The following STN1 variants were observed in gnomAD, a reference collection of about 807,000 sequenced individuals.
STN1 encodes STN1 subunit of CST complex.
Under a neutral mutation model 45.5 loss-of-function variants are expected in STN1, and 29 were observed. The ratio of observed to expected loss-of-function variants is 0.64; its 90% CI spans 0.47 to 0.87. The LOEUF (loss-of-function observed/expected upper bound fraction) is 0.87, where lower values mean the gene tolerates loss of function less well. STN1 is among the 40% of genes least tolerant of loss of function. The pLI, the probability that STN1 is intolerant of heterozygous loss-of-function variation, is 0.00. For synonymous variants in STN1, 148 were observed against 159.0 expected, an observed-to-expected ratio of 0.93 and a Z score of 0.52; for missense variants, 376 against 441.4, an observed-to-expected ratio of 0.85 and a Z score of 1.33.
chr10:103,913,254 A>T (rs1213047785), intron 2 of STN1, among the ~76,000 whole-genome samples: 1 of 152,230 alleles, frequency 6.6e-6, no homozygotes, highest in East Asian at 1.9e-4. Context: ...ATCCAATGGT[A>T]TCAACTTTGT....
At chr10:103,911,826 C>G (rs1449660175) in intron 2 of STN1, among the ~76,000 whole-genome samples, 2 of 152,178 alleles carry the variant, frequency 1.3e-5, no homozygotes, top group Non-Finnish European at 2.9e-5. Flanking sequence ...CCCCTTATAA[C>G]CCCCAGACTG....
At chr10:103,901,373 T>A (rs1333132687) in intron 4 of STN1, among the ~76,000 whole-genome samples, 1 of 152,164 alleles carries the variant, frequency 6.6e-6, no homozygotes, top group Non-Finnish European at 1.5e-5. Flanking sequence ...AGGTACAGTT[T>A]TATAAATTTT....
In STN1 at chr10:103,879,914, TCAGGG is replaced by T. The variant is rs1449362711; in HGVS notation, c.*2765_*2769del. Among the ~76,000 whole-genome samples the T allele has an allele frequency of 6.6e-6, 1 of 152,234 alleles. No individual in the cohort carries two copies. Among genetic ancestry groups the T allele is most frequent in the Admixed American group, 6.5e-5 (1 of 15,288 alleles). The stretch of plus-strand genomic sequence containing the variant: ...CTGGATGGAGCTACCTCTTCCTGAA[TCAGGG>T]ACATTTTCCAAAGGAGTGGCACAGG... On this transcript the variant is annotated 3_prime_UTR_variant, in exon 10 of 10. Transcript: ENST00000224950.
intron 2 of STN1, among the ~76,000 whole-genome samples, chr10:103,916,792 C>CA (rs397768922): frequency 0.74 from 105,799 of 143,770 alleles, 39,278 homozygotes; most frequent in Non-Finnish European, 0.81. Context: ...TATTCTAATA[C>CA]AAAAAAAAAA....
chr10:103,890,279 G>A (rs1228811533), intron 8 of STN1, among the ~76,000 whole-genome samples: 1 of 152,178 alleles, frequency 6.6e-6, no homozygotes, highest in Non-Finnish European at 1.5e-5. Context: ...AGCTCACAAG[G>A]TTATGACGAA....
intron 2 of STN1, among the ~76,000 whole-genome samples, chr10:103,911,473 T>TC (rs1368841329): frequency 1.3e-5 from 2 of 151,998 alleles, no homozygotes; most frequent in Non-Finnish European, 2.9e-5. Context: ...TCCAGCCTCT[T>TC]CCCCCCGCCC....
intron 9 of STN1, among the ~76,000 whole-genome samples, chr10:103,885,464 C>A (rs1427403735): frequency 6.6e-6 from 1 of 152,176 alleles, no homozygotes; most frequent in East Asian, 1.9e-4. Context: ...CAGAGGCCTT[C>A]AACTATTTAG....
At chr10:103,897,743 G>A in intron 6 of STN1, 24 bp from the exon 7 acceptor site, 2 of 1,609,632 alleles carry the variant, frequency 1.2e-6, no homozygotes, top group Non-Finnish European at 1.7e-6. Flanking sequence ...GTTTTAAAGA[G>A]CTCTGCAGAA....
intron 9 of STN1, among the ~76,000 whole-genome samples, chr10:103,884,810 C>T (rs1163033716): frequency 2.0e-5 from 3 of 152,178 alleles, no homozygotes; most frequent in African/African-American, 7.2e-5. Context: ...CTTTCCAACC[C>T]TAAGGTTCAG....
At chr10:103,911,109 G>C (rs1229420590) in intron 2 of STN1, among the ~76,000 whole-genome samples, 1 of 150,844 alleles carries the variant, frequency 6.6e-6, no homozygotes, top group African/African-American at 2.4e-5. Context: ...ACAGTAAGTA[G>C]GTTACAAAAC....
chr10:103,892,219 T>C lies in STN1; in HGVS notation c.787A>G (p.Ile263Val). The C allele has an allele frequency of 6.2e-7, 1 of 1,604,760 alleles. No individual in the cohort carries two copies. The highest frequency in any genetic ancestry group is 8.5e-7 in the Non-Finnish European group (1 of 1,177,444). The change falls in exon 8 of 10, where the codon ATT becomes GTT. Residue 263 changes from isoleucine (I) to valine (V), a missense_variant. Physicochemically the swap from Ile to Val is conservative, Grantham distance 29. Coordinates refer to ENST00000224950, the MANE Select transcript of STN1 (RefSeq NM_024928.5). ...ATAGCATTCTTAAATATACTATGAA[T>C]TGCCTTGGAAGTGGTGTCCTTCTTA... ...NFKKDTTSKA[I>V]HSIFKNAIQL...
chr10:103,884,742 G>A (rs539538703), intron 9 of STN1, among the ~76,000 whole-genome samples: 38 of 152,274 alleles, frequency 2.5e-4, no homozygotes, highest in African/African-American at 8.2e-4. Context: ...TGTAGCTTTG[G>A]GCAAGCCATC....
intron 9 of STN1, among the ~76,000 whole-genome samples, chr10:103,884,637 T>C (rs1381144082): frequency 6.6e-6 from 1 of 152,080 alleles, no homozygotes; most frequent in African/African-American, 2.4e-5. Context: ...TCACTGAAAG[T>C]TGTTTACAGA....
rs1395024192 is a variant in STN1 at position 103,900,350 on chromosome 10, T to C, written c.296-127A>G. The C allele has an allele frequency of 3.3e-6, 3 of 899,450 alleles. No homozygotes were observed. The East Asian group carries it at 8.0e-5, about 24-fold the overall frequency. 55.7% of individuals were successfully genotyped at this position (899,450 alleles called of 1,614,324 possible). On this transcript the variant is annotated intron_variant, in intron 4 of 9. Coordinates refer to ENST00000224950, the MANE Select transcript of STN1 (RefSeq NM_024928.5). ...ATTTATTCTACTTCTGAGTAATTGTTCTACTGTTGGAAATCCACATAACCT... is the reference window on the plus strand; with the variant it reads ...ATTTATTCTACTTCTGAGTAATTGTCCTACTGTTGGAAATCCACATAACCT...
chr10:103,884,814 G>A (rs1466808007), intron 9 of STN1, among the ~76,000 whole-genome samples: 7 of 152,202 alleles, frequency 4.6e-5, no homozygotes, highest in African/African-American at 1.4e-4. Context: ...CCAACCCTAA[G>A]GTTCAGAGAC....
intron 1 of STN1, 93 bp downstream of exon 1, chr10:103,918,007 T>C (rs1028144340): frequency 4.8e-5 from 8 of 167,848 alleles, no homozygotes; most frequent in Admixed American, 3.5e-4. Context: ...TGGGGCATAG[T>C]GGATGGGTCT....
rs1564635120 is a variant in STN1, at chr10:103,909,480, A to ATATATGTG, written c.229+1046_229+1047insCACATATA. Among the ~76,000 whole-genome samples, 5 of 109,552 alleles carry ATATATGTG rather than the reference A, an allele frequency of 4.6e-5. 1 individual carries two copies. Among genetic ancestry groups the ATATATGTG allele is most frequent in the Non-Finnish European group, 7.5e-5 (4 of 53,528 alleles). The allele number at this position is 109,552 out of a possible 152,430, so 71.9% of individuals were successfully genotyped here. On this transcript the variant is annotated intron_variant, in intron 3 of 9. Coordinates refer to ENST00000224950, the MANE Select transcript of STN1 (RefSeq NM_024928.5). Reference sequence around the variant, plus strand: ...TATATGTATATATATGTATATATGTATATATATGTGTGTGTGTATATGTAT... The same window carrying ATATATGTG: ...TATATGTATATATATGTATATATGTATATATGTGTATATATGTGTGTGTGTATATGTAT...
chr10:103,908,112 G>A (rs1220979236), intron 3 of STN1, among the ~76,000 whole-genome samples: 1 of 143,844 alleles, frequency 7.0e-6, no homozygotes, highest in African/African-American at 2.5e-5. Context: ...GTGGGCCACA[G>A]AGCGAGACTC....
At chr10:103,907,218 G>A (rs796843543) in intron 3 of STN1, among the ~76,000 whole-genome samples, 11 of 152,292 alleles carry the variant, frequency 7.2e-5, no homozygotes, top group African/African-American at 2.6e-4. Context: ...ATCTATGTAA[G>A]GCTGTTCACT....
Sources: allele counts gnomAD v4.1 joint callset (sites outside exome capture counted in the v4.1 genomes callset), GRCh38; gene constraint gnomAD v4.1.1; transcripts MANE v1.5; gene names NCBI Gene and HGNC (gene_info 2026-07-23, HGNC 2026-07-21).